Variants in VAT1L observed in about 807,000 individuals in gnomAD.
The protein encoded by VAT1L is vesicle amine transport 1 like.
Under a neutral mutation model 44.1 loss-of-function variants are expected in VAT1L, and 34 were observed. That is an observed-to-expected ratio of 0.77 (90% CI 0.59 to 1.03). The LOEUF is 1.03. Among genes scored for constraint, VAT1L ranks in the 50% least tolerant of loss-of-function variants. The pLI is 0.00. For missense variants in VAT1L, 615 were observed against 538.8 expected, an observed-to-expected ratio of 1.14 and a Z score of -1.40; for synonymous variants, 253 against 202.2, an observed-to-expected ratio of 1.25 and a Z score of -2.13.
At chr16:77,846,195 T>C (rs1197589813) in intron 3 of VAT1L, among the ~76,000 whole-genome samples, 1 of 152,174 alleles carries the variant, frequency 6.6e-6, no homozygotes, top group Non-Finnish European at 1.5e-5. Context: ...AGTGAGTACA[T>C]TGTCATCAAC....
At chr16:77,848,058 G>A (rs985878852) in intron 3 of VAT1L, among the ~76,000 whole-genome samples, 2 of 152,158 alleles carry the variant, frequency 1.3e-5, no homozygotes, top group Non-Finnish European at 2.9e-5. Context: ...GAAGATCCAC[G>A]GTGCAGGAAC....
chr16:77,977,440 C>G (rs891132531), intron 8 of VAT1L, among the ~76,000 whole-genome samples, 157 bp from the exon 9 acceptor site: 1 of 152,194 alleles, frequency 6.6e-6, no homozygotes, highest in Non-Finnish European at 1.5e-5. Context: ...TCTCAGGGTG[C>G]CCAACATATG....
At chr16:77,936,346 C>T (rs1190771375) in intron 7 of VAT1L, among the ~76,000 whole-genome samples, 1 of 152,134 alleles carries the variant, frequency 6.6e-6, no homozygotes, top group Non-Finnish European at 1.5e-5. Flanking sequence ...CTGACTTGCC[C>T]AGGATGACTA....
intron 1 of VAT1L, among the ~76,000 whole-genome samples, chr16:77,798,892 C>T (rs1480888411): frequency 6.6e-6 from 1 of 151,734 alleles, no homozygotes; most frequent in Non-Finnish European, 1.5e-5. Flanking sequence ...TCCCCTCTCT[C>T]GTTATTTCAG....
chr16:77,817,645 G>T (rs567830755), intron 2 of VAT1L, among the ~76,000 whole-genome samples: 1 of 152,026 alleles, frequency 6.6e-6, no homozygotes, highest in African/African-American at 2.4e-5. Flanking sequence ...TGGGCAAAAA[G>T]GTTTATTACA....
chr16:77,860,376 A>C (rs1045755180), intron 3 of VAT1L, among the ~76,000 whole-genome samples: 25 of 152,214 alleles, frequency 1.6e-4, no homozygotes, highest in African/African-American at 6.0e-4. Context: ...AAAACGATAG[A>C]GACCCAAGTC....
intron 2 of VAT1L, 111 bp downstream of exon 2, chr16:77,817,161 ATT>A (rs1465052365): frequency 1.1e-5 from 16 of 1,438,202 alleles, no homozygotes; most frequent in Non-Finnish European, 1.2e-5. Flanking sequence ...CATTATTATC[ATT>A]GTCTTCTTAT....
intron 1 of VAT1L, among the ~76,000 whole-genome samples, chr16:77,805,156 G>C (rs759452589): frequency 3.3e-5 from 5 of 152,102 alleles, no homozygotes; most frequent in Admixed American, 6.5e-5. Context: ...TGAATCCTAA[G>C]ACCTCTCTGA....
intron 1 of VAT1L, among the ~76,000 whole-genome samples, chr16:77,793,617 G>A (rs2145204007): frequency 6.6e-6 from 1 of 152,268 alleles, no homozygotes; most frequent in East Asian, 1.9e-4. Context: ...CTGGTTTGTG[G>A]TTCAAATTGG....
At chr16:77,904,093 C>G (rs1470644716) in intron 7 of VAT1L, among the ~76,000 whole-genome samples, 1 of 151,912 alleles carries the variant, frequency 6.6e-6, no homozygotes, top group African/African-American at 2.4e-5. Flanking sequence ...GCCTAATAAC[C>G]CAAAAGGAAT....
chr16:77,825,159 G>C, intron 2 of VAT1L, 87 bp from the exon 3 acceptor site: 2 of 1,454,632 alleles, frequency 1.4e-6, no homozygotes, highest in Non-Finnish European at 1.9e-6. Context: ...GAGCCACAGC[G>C]CCTGGCCAGC....
chr16:77,836,190 T>A (rs11150017), intron 3 of VAT1L, among the ~76,000 whole-genome samples: 1 of 151,702 alleles, frequency 6.6e-6, no homozygotes, highest in African/African-American at 2.4e-5. Flanking sequence ...AGGATCCAAT[T>A]TGAACTCAAA....
chr16:77,850,942 G>A (rs1038264202), intron 3 of VAT1L, among the ~76,000 whole-genome samples: 22 of 152,166 alleles, frequency 1.4e-4, no homozygotes, highest in African/African-American at 5.3e-4. Flanking sequence ...TCAGTCTGTG[G>A]GCTATGGGTT....
In VAT1L at chr16:77,884,516, C is replaced by G; in HGVS notation, c.883-92C>G. The stretch of plus-strand genomic sequence containing the variant: ...CTGCTGAGCTGCAGCCCCACGTTCC[C>G]CCTGTAGTAGCTGATGACATCAGCA... On this transcript the variant is annotated intron_variant, in intron 6 of 8. Transcript: ENST00000302536. This position sits in a 1 kb window ranked among gnomAD's most constrained non-coding sequence, Gnocchi z 4.5. The G allele has an allele frequency of 7.5e-7, 1 of 1,330,670 alleles. No individual in the cohort carries two copies. The highest frequency in any genetic ancestry group is 1.4e-5 in the South Asian group (1 of 71,534). 82.4% of individuals were successfully genotyped at this position (1,330,670 alleles called of 1,614,324 possible). A position where few individuals can be genotyped will look rare whatever the true frequency, so the allele number is the denominator to read the frequency against.
intron 7 of VAT1L, among the ~76,000 whole-genome samples, chr16:77,919,131 T>G (rs1389620003): frequency 1.3e-5 from 2 of 151,902 alleles, no homozygotes; most frequent in Non-Finnish European, 2.9e-5. Flanking sequence ...AGGGTGTGTG[T>G]GTGTGCATGT....
chr16:77,826,287 C>T (rs7199989), intron 3 of VAT1L, among the ~76,000 whole-genome samples: 140,082 of 152,082 alleles, frequency 0.92, 64,850 homozygotes, highest in East Asian at 1. Context: ...CATTGTAAGA[C>T]GTCTCACAAG....
At chr16:77,809,431 T>C (rs1356541777) in intron 1 of VAT1L, among the ~76,000 whole-genome samples, 1 of 149,790 alleles carries the variant, frequency 6.7e-6, no homozygotes, top group Non-Finnish European at 1.5e-5. Flanking sequence ...AGGACAGCCC[T>C]CTCAGAAAGA....
chr16:77,821,703 A>G (rs1164207987), intron 2 of VAT1L, among the ~76,000 whole-genome samples: 1 of 152,176 alleles, frequency 6.6e-6, no homozygotes. Context: ...AAGCAACCAT[A>G]AGGAGTTGTC....
At chr16:77,954,151 G>A (rs1267710520) in intron 7 of VAT1L, among the ~76,000 whole-genome samples, 2 of 152,116 alleles carry the variant, frequency 1.3e-5, no homozygotes, top group African/African-American at 4.8e-5. Flanking sequence ...TATCCTGAAG[G>A]TTTCTTCATG....
Sources: gnomAD v4.1 joint callset for allele counts (sites outside exome capture counted in the v4.1 genomes callset) on GRCh38, gnomAD v4.1.1 for gene constraint, Gnocchi (gnomAD v3.1) non-coding constraint, MANE v1.5 for transcripts, NCBI Gene and HGNC (gene_info 2026-07-23, HGNC 2026-07-21) for gene names.